KCNMA1: variants seen among roughly 807,000 people sequenced by gnomAD.
KCNMA1 encodes potassium calcium-activated channel subfamily M alpha 1.
A neutral mutation model predicts 140.0 loss-of-function variants in KCNMA1; 29 were observed. The observed-to-expected ratio is 0.21, with a 90% CI of 0.15 to 0.28. The LOEUF is 0.28. KCNMA1 is among the 10% of genes least tolerant of loss of function. The pLI is 1.00. For missense variants in KCNMA1, 880 were observed against 1,602.2 expected (o/e 0.55, Z 7.70); for synonymous variants, 612 against 611.9 (o/e 1.00, Z 0.00).
At chr10:77,007,575 C>T (rs971430962) in intron 18 of KCNMA1, among the ~76,000 whole-genome samples, 28 of 149,390 alleles carry the variant, frequency 1.9e-4, no homozygotes, top group South Asian at 2.1e-4. Context: ...TATCTCTACT[C>T]TTATATGTAA....
At chr10:76,897,172 G>C (rs2042943246) in intron 25 of KCNMA1, among the ~76,000 whole-genome samples, 1 of 151,814 alleles carries the variant, frequency 6.6e-6, no homozygotes, top group African/African-American at 2.4e-5. Context: ...AAGGTCAAGT[G>C]ATAAACAGTA....
chr10:77,124,909 G>C (rs1276054631), intron 5 of KCNMA1, among the ~76,000 whole-genome samples: 1 of 152,164 alleles, frequency 6.6e-6, no homozygotes, highest in Non-Finnish European at 1.5e-5. Context: ...CACAGGGCTG[G>C]AGAAGCCTCA....
intron 2 of KCNMA1, among the ~76,000 whole-genome samples, chr10:77,387,564 T>TTC (rs2095652648): frequency 6.6e-6 from 1 of 151,664 alleles, no homozygotes; most frequent in Non-Finnish European, 1.5e-5. Flanking sequence ...TCTTTTTCTT[T>TTC]TCTTTTCTTT....
chr10:77,230,432 T>C (rs2053197608), intron 3 of KCNMA1, among the ~76,000 whole-genome samples: 1 of 152,240 alleles, frequency 6.6e-6, no homozygotes, highest in Admixed American at 6.5e-5. Context: ...TGGCTAATAG[T>C]TACTTTTATG....
chr10:76,958,041 T>C (rs965945671), intron 20 of KCNMA1, among the ~76,000 whole-genome samples: 16 of 152,264 alleles, frequency 1.1e-4, no homozygotes, highest in Admixed American at 3.3e-4. Context: ...TAAATCAAAG[T>C]TTCTAAAGCT....
At chr10:77,207,706 T>C (rs905105635) in intron 3 of KCNMA1, among the ~76,000 whole-genome samples, 1 of 152,214 alleles carries the variant, frequency 6.6e-6, no homozygotes, top group African/African-American at 2.4e-5. Flanking sequence ...CTAATGTCTG[T>C]TCAGGTTGTG....
At chr10:77,267,720 C>T (rs1021253321) in intron 2 of KCNMA1, among the ~76,000 whole-genome samples, 7 of 152,168 alleles carry the variant, frequency 4.6e-5, no homozygotes, top group African/African-American at 1.7e-4. Flanking sequence ...CATCACTGTA[C>T]ATATTATTAG....
intron 2 of KCNMA1, among the ~76,000 whole-genome samples, chr10:77,303,960 CT>C (rs1209060970): frequency 6.6e-6 from 1 of 152,254 alleles, no homozygotes; most frequent in Non-Finnish European, 1.5e-5. Context: ...GTCTCAGATA[CT>C]ATCTTTGATA....
chr10:77,308,131 G>A (rs972592956), intron 2 of KCNMA1, among the ~76,000 whole-genome samples: 1 of 152,156 alleles, frequency 6.6e-6, no homozygotes, highest in African/African-American at 2.4e-5. Flanking sequence ...CCAGAAGAGA[G>A]GAAAATGCCA....
chr10:77,007,312 C>A (rs1565500958), intron 18 of KCNMA1, among the ~76,000 whole-genome samples: 1 of 152,146 alleles, frequency 6.6e-6, no homozygotes, highest in East Asian at 1.9e-4. Flanking sequence ...GTAAAGGGAT[C>A]TTCCAAGATG....
intron 1 of KCNMA1, chr10:77,636,570 C>CT: frequency 1.3e-6 from 2 of 1,536,160 alleles, no homozygotes; most frequent in Non-Finnish European, 8.7e-7. Context: ...ACTAGAGCAC[C>CT]TAAGGGACGG....
intron 17 of KCNMA1, chr10:77,012,632 A>G: frequency 2.5e-6 from 3 of 1,216,344 alleles, no homozygotes; most frequent in Non-Finnish European, 3.5e-6. Context: ...TTCACAGCTT[A>G]TTTTACTCCA....
At position 77,334,790 on chromosome 10, in the gene KCNMA1, A is replaced by G. The variant is rs781473088; in HGVS notation, c.540+69072T>C. On this transcript the variant is annotated intron_variant, in intron 2 of 27. Transcript: ENST00000286628. ...TAATTTAAATTTGTCTATTACTCAT[A>G]TTAAAAAATGAAAAATAAACAAGTA... is the stretch of plus-strand genomic sequence containing the variant. Among the ~76,000 whole-genome samples the G allele has an allele frequency of 2.6e-5, 4 of 152,266 alleles. No homozygotes were observed. The South Asian group carries it at 6.2e-4, about 24-fold the overall frequency.
chr10:77,624,565 G>A (rs920646188), intron 1 of KCNMA1, among the ~76,000 whole-genome samples: 3 of 152,104 alleles, frequency 2.0e-5, no homozygotes, highest in Non-Finnish European at 2.9e-5. Flanking sequence ...CTTCTCCCTG[G>A]ATTCACTGCC....
In KCNMA1 at chr10:77,637,274, G is replaced by T; in HGVS notation, c.369C>A (p.Gly123=). The T allele has an allele frequency of 6.2e-7, 1 of 1,607,668 alleles. No individual in the cohort carries two copies. The highest frequency in any genetic ancestry group is 2.2e-5 in the East Asian group (1 of 44,622). ...YLWTVCCHCG[G]KTKEAQKINN... ...CCGGGGCGCGCGTTACCTTCGTCTT[G>T]CCCCCGCAGTGGCAGCACACGGTCC... The change falls in exon 1 of 28, where the codon GGC becomes GGA. Residue 123 remains glycine (G), a synonymous_variant. Transcript: ENST00000286628.
chr10:77,145,229 C>A (rs995243418), intron 5 of KCNMA1, among the ~76,000 whole-genome samples: 3 of 152,282 alleles, frequency 2.0e-5, no homozygotes, highest in African/African-American at 7.2e-5. Flanking sequence ...ACATACGAGC[C>A]ACATGCTCTT....
chr10:77,117,421 C>G (rs1233833246), intron 6 of KCNMA1, among the ~76,000 whole-genome samples: 2 of 150,748 alleles, frequency 1.3e-5, no homozygotes, highest in Admixed American at 6.6e-5. Flanking sequence ...TGGTGGCAGG[C>G]ACCTGTAATC....
chr10:77,401,132 T>C (rs1006585523), intron 2 of KCNMA1, among the ~76,000 whole-genome samples: 1 of 150,410 alleles, frequency 6.6e-6, no homozygotes, highest in East Asian at 2.0e-4. Context: ...AATCTCCTTG[T>C]TCTACAAACT....
chr10:77,489,267 A>G (rs1474948996), intron 1 of KCNMA1, among the ~76,000 whole-genome samples: 2 of 152,034 alleles, frequency 1.3e-5, no homozygotes, highest in Admixed American at 6.5e-5. Flanking sequence ...CCAAAAACCT[A>G]TCTTGCTTAT....
Sources: allele counts gnomAD v4.1 joint callset (sites outside exome capture counted in the v4.1 genomes callset), GRCh38; gene constraint gnomAD v4.1.1; transcripts MANE v1.5; gene names NCBI Gene and HGNC (gene_info 2026-07-23, HGNC 2026-07-21).